The following FSIP2 variants were observed in gnomAD, a reference collection of about 807,000 sequenced individuals.
FSIP2 encodes fibrous sheath-interacting protein 2.
FSIP2 carries 367 observed loss-of-function variants against 510.5 expected under a neutral mutation model. The observed-to-expected ratio is 0.72, with a 90% CI of 0.66 to 0.78. FSIP2 has a LOEUF of 0.78. Ranked by LOEUF, FSIP2 falls within the 30% of genes least tolerant of loss-of-function variation. The pLI, the probability that FSIP2 is intolerant of heterozygous loss-of-function variation, is 0.00. For missense variants in FSIP2, 7,594 were observed against 7,901.7 expected (o/e 0.96, Z 1.48); for synonymous variants, 2,601 against 2,732.2 (o/e 0.95, Z 1.50).
At chr2:185,832,641 T>A (rs1439840624) in intron 22 of FSIP2, among the ~76,000 whole-genome samples, 1 of 151,758 alleles carries the variant, frequency 6.6e-6, no homozygotes, top group Non-Finnish European at 1.5e-5. Context: ...TAAAGCCTCA[T>A]GCTGAATAAG....
At chr2:185,810,161 C>T (rs191424741) in intron 17 of FSIP2, among the ~76,000 whole-genome samples, 2 of 152,138 alleles carry the variant, frequency 1.3e-5, no homozygotes, top group East Asian at 3.9e-4. Context: ...AGTAAACATG[C>T]TAATTAATGC....
intron 17 of FSIP2, among the ~76,000 whole-genome samples, chr2:185,813,020 A>G (rs1693766381): frequency 6.6e-6 from 1 of 152,086 alleles, no homozygotes; most frequent in African/African-American, 2.4e-5. Flanking sequence ...GAAGATTTAT[A>G]TTTTGAAGAA....
chr2:185,795,685 A>G lies in FSIP2; in HGVS notation c.8549A>G (p.Asp2850Gly). ...LFDKWQTESNDKENEKCKLLM... is the reference protein window; with the variant it reads ...LFDKWQTESNGKENEKCKLLM... ...GACAAGTGGCAAACAGAATCAAATG[A>G]CAAGGAAAATGAAAAATGTAAGCTA... The change falls in exon 16 of 23, where the codon GAC (aspartate) becomes GGC (glycine). Residue 2850 changes from aspartate (D) to glycine (G), a missense_variant. Physicochemically the swap from Asp to Gly is moderately conservative, Grantham distance 94 (BLOSUM62 -1). Coordinates refer to ENST00000424728, the MANE Select transcript of FSIP2 (RefSeq NM_173651.4). 6.5e-7 allele frequency: 1 copy of G among 1,532,492 alleles called. No individual in the cohort carries two copies. The highest frequency in any genetic ancestry group is 8.7e-7 in the Non-Finnish European group (1 of 1,144,798). 94.9% of individuals were successfully genotyped at this position (1,532,492 alleles called of 1,614,324 possible).
rs137864187 is a variant in FSIP2, at chr2:185,805,809, C to G, written c.16503C>G (p.Ser5501Arg). 12 of 1,601,994 alleles carry G rather than the reference C, an allele frequency of 7.5e-6. No individual in the cohort carries two copies. In the East Asian group the frequency reaches 2.7e-4, roughly 36 times the overall value. The change falls in exon 17 of 23, where the codon AGC (serine) becomes AGG (arginine). Residue 5501 changes from serine to arginine, a missense_variant. By Grantham distance (110) the Ser-to-Arg change is moderately radical. Coordinates refer to ENST00000424728, the MANE Select transcript of FSIP2 (RefSeq NM_173651.4). ...VLSSINAIMK[S>R]GMINLTSGLA... ...GCTCTATAAATGCAATTATGAAAAG[C>G]GGCATGATTAACCTAACATCAGGGT...
At chr2:185,765,689 C>T (rs572202268) in intron 13 of FSIP2, 54 of 151,710 alleles carry the variant, frequency 3.6e-4, no homozygotes, top group South Asian at 6.3e-4. Flanking sequence ...AGAAAGTCAT[C>T]GGTAGCTTGA....
At chr2:185,831,922 T>G (rs761308317) in intron 22 of FSIP2, 40 bp downstream of exon 22, 5 of 1,183,288 alleles carry the variant, frequency 4.2e-6, no homozygotes, top group Non-Finnish European at 6.3e-6. Context: ...GTAATTAAAC[T>G]GTCAATTGCA....
chr2:185,819,618 G>A (rs1271159015), intron 19 of FSIP2, among the ~76,000 whole-genome samples: 1 of 134,230 alleles, frequency 7.4e-6, no homozygotes, highest in African/African-American at 2.6e-5. Context: ...ATGGTCTGCA[G>A]CTTAATGAAA....
chr2:185,790,334 G>C lies in FSIP2; in HGVS notation c.3198G>C (p.Trp1066Cys). 1 of 1,533,444 alleles carries C rather than the reference G, an allele frequency of 6.5e-7. No homozygotes were observed. Among genetic ancestry groups the C allele is most frequent in the Non-Finnish European group, 8.7e-7 (1 of 1,145,366 alleles). 95.0% of individuals were successfully genotyped at this position (1,533,444 alleles called of 1,614,324 possible). A position where few individuals can be genotyped will look rare whatever the true frequency, so the allele number is the denominator to read the frequency against. Residue 1066 changes from tryptophan (W) to cysteine (C), a missense_variant, in exon 16 of 23, where the codon TGG (tryptophan) becomes TGC (cysteine). Transcript: ENST00000424728. Reference protein sequence around the residue: ...GSRSKAAFHDWELKTEPPSTN... With the variant: ...GSRSKAAFHDCELKTEPPSTN... ...GAAGCAAAGCTGCATTTCATGATTG[G>C]GAATTAAAGACTGAGCCACCATCTA... is the stretch of plus-strand genomic sequence containing the variant.
In FSIP2 at chr2:185,764,537, C is replaced by A; in HGVS notation, c.1383C>A (p.Thr461=). The change falls in exon 13 of 23, where the codon ACC becomes ACA. Residue 461 remains threonine, a synonymous_variant. Coordinates refer to ENST00000424728, the MANE Select transcript of FSIP2 (RefSeq NM_173651.4). ...ATGCTGATTGGGATGGAAGACCAAC[C>A]AAGAGATCAAGCTATCTCTGCGAAT... ...ETNADWDGRP[T]KRSSYLCESG... The A allele has an allele frequency of 1.3e-6, 2 of 1,530,250 alleles. No homozygotes were observed. The highest frequency in any genetic ancestry group is 1.8e-6 in the Non-Finnish European group (2 of 1,142,726). 94.8% of individuals were successfully genotyped at this position (1,530,250 alleles called of 1,614,324 possible).
In FSIP2 at chr2:185,794,660, T is replaced by G. The variant is rs762233233; in HGVS notation, c.7524T>G (p.Leu2508=). The G allele has an allele frequency of 4.2e-5, 64 of 1,532,992 alleles. No individual in the cohort carries two copies. Among genetic ancestry groups the G allele is most frequent in the Non-Finnish European group, 5.4e-5 (62 of 1,145,434 alleles). The allele number at this position is 1,532,992 out of a possible 1,614,324, so 95.0% of individuals were successfully genotyped here. The change falls in exon 16 of 23, where the codon CTT becomes CTG. Residue 2508 remains leucine, a synonymous_variant. Coordinates refer to ENST00000424728, the MANE Select transcript of FSIP2 (RefSeq NM_173651.4). ...VREVTGHLPP[L]NETANFISNS... Reference sequence around the variant, plus strand: ...AAGTCACAGGCCATTTGCCTCCACTTAATGAAACTGCCAACTTTATATCTA... The same window carrying G: ...AAGTCACAGGCCATTTGCCTCCACTGAATGAAACTGCCAACTTTATATCTA...
At position 185,808,046 on chromosome 2, in the gene FSIP2, C is replaced by T. The variant is rs1693628408; in HGVS notation, c.18740C>T (p.Ala6247Val). Residue 6247 changes from alanine to valine, a missense_variant, in exon 17 of 23, where the codon GCA becomes GTA. By Grantham distance (64) the Ala-to-Val change is moderately conservative. Transcript: ENST00000424728. ...CCTACTGTGCCTGTAGCTGATAATG[C>T]AACTATTGAAAACATAGTTAATTCT... ...ESPTVPVADNATIENIVNSIY... is the reference protein window; with the variant it reads ...ESPTVPVADNVTIENIVNSIY... 1 of 1,610,750 alleles carries T rather than the reference C, an allele frequency of 6.2e-7. No homozygotes were observed. Among genetic ancestry groups the T allele is most frequent in the Non-Finnish European group, 8.5e-7 (1 of 1,178,572 alleles).
Position 185,789,997 on chromosome 2 carries a change from T to G in FSIP2, c.2861T>G (p.Phe954Cys). ...CATCAGGAACCAGTAAATGAAAGTT[T>G]TCAAAAAAGTAGGCAACCTAGAATA... is the stretch of plus-strand genomic sequence containing the variant. ...QLHQEPVNES[F>C]QKSRQPRISS... is the part of the protein sequence containing the mutation. The change falls in exon 16 of 23, where the codon TTT (phenylalanine) becomes TGT (cysteine). Residue 954 changes from phenylalanine (F) to cysteine (C), a missense_variant. Phe to Cys is a radical substitution (Grantham distance 205). Coordinates refer to ENST00000424728, the MANE Select transcript of FSIP2 (RefSeq NM_173651.4). The G allele has an allele frequency of 6.5e-7, 1 of 1,533,992 alleles. No homozygotes were observed.
chr2:185,804,910 T>C lies in FSIP2; in HGVS notation c.15604T>C (p.Ser5202Pro). ...DSICNNILKT[S>P]EFQAEVQKDA... ...CATATGTAATAATATTTTGAAAACA[T>C]CTGAATTCCAAGCTGAAGTACAAAA... The change falls in exon 17 of 23, where the codon TCT becomes CCT. Residue 5202 changes from serine to proline, a missense_variant. By Grantham distance (74) the Ser-to-Pro change is moderately conservative. Coordinates refer to ENST00000424728, the MANE Select transcript of FSIP2 (RefSeq NM_173651.4). 4 of 1,525,368 alleles carry C rather than the reference T, an allele frequency of 2.6e-6. No homozygotes were observed. The highest frequency in any genetic ancestry group is 3.5e-6 in the Non-Finnish European group (4 of 1,142,774). 94.5% of individuals were successfully genotyped at this position (1,525,368 alleles called of 1,614,324 possible).
rs1402493128 is a variant in FSIP2 at position 185,794,067 on chromosome 2, G to A, written c.6931G>A (p.Val2311Ile). ...DSSQVESDVNVLKISATETIL... is the reference protein window; with the variant it reads ...DSSQVESDVNILKISATETIL... Reference sequence around the variant, plus strand: ...AAGCCAAGTGGAATCAGATGTAAATGTCCTGAAAATATCAGCAACTGAAAC... The same window carrying A: ...AAGCCAAGTGGAATCAGATGTAAATATCCTGAAAATATCAGCAACTGAAAC... The change falls in exon 16 of 23, where the codon GTC becomes ATC. Residue 2311 changes from valine (V) to isoleucine (I), a missense_variant. Coordinates refer to ENST00000424728, the MANE Select transcript of FSIP2 (RefSeq NM_173651.4). The A allele has an allele frequency of 6.5e-7, 1 of 1,531,876 alleles. No homozygotes were observed. Among genetic ancestry groups the A allele is most frequent in the Admixed American group, 2.0e-5 (1 of 50,714 alleles). 94.9% of individuals were successfully genotyped at this position (1,531,876 alleles called of 1,614,324 possible).
Position 185,753,740 on chromosome 2 carries a change from A to G in FSIP2, c.889A>G (p.Lys297Glu). Residue 297 changes from lysine to glutamate, a missense_variant, in exon 8 of 23, where the codon AAA becomes GAA. Transcript: ENST00000424728. The part of the protein sequence containing the change: ...SDRKKQDLLE[K>E]KMAYHLQKMQ... ...ATTGTAGAAACAAGATCTTCTAGAG[A>G]AAAAAATGGCTTATCATTTACAAAA... 8.0e-7 allele frequency: 1 copy of G among 1,251,988 alleles called. No homozygotes were observed. Among genetic ancestry groups the G allele is most frequent in the Non-Finnish European group, 1.1e-6 (1 of 909,540 alleles). The allele number at this position is 1,251,988 out of a possible 1,614,324, so 77.6% of individuals were successfully genotyped here.
At chr2:185,755,754 G>C (rs751495949) in intron 8 of FSIP2, among the ~76,000 whole-genome samples, 8 of 151,574 alleles carry the variant, frequency 5.3e-5, no homozygotes, top group African/African-American at 9.7e-5. Context: ...CACCTTAATA[G>C]TTAGAAAAGC....
In FSIP2 at chr2:185,786,875, A is replaced by G. The variant is rs1441855030; in HGVS notation, c.1506+587A>G. Among the ~76,000 whole-genome samples, 3 of 152,032 alleles carry G rather than the reference A, an allele frequency of 2.0e-5. No individual in the cohort carries two copies. The East Asian group carries it at 5.8e-4, about 29-fold the overall frequency. ...AACTTGCTCAATTCATAGAATATGCAGCAAATACAAAAGCTTTGACCCAAG... is the reference window on the plus strand; with the variant it reads ...AACTTGCTCAATTCATAGAATATGCGGCAAATACAAAAGCTTTGACCCAAG... On this transcript the variant is annotated intron_variant, in intron 15 of 22. Coordinates refer to ENST00000424728, the MANE Select transcript of FSIP2 (RefSeq NM_173651.4).
At chr2:185,830,257 T>C (rs760323676) in intron 21 of FSIP2, among the ~76,000 whole-genome samples, 1 of 151,776 alleles carries the variant, frequency 6.6e-6, no homozygotes, top group Non-Finnish European at 1.5e-5. Context: ...ACAAAGACAA[T>C]ATCTACAGCT....
chr2:185,779,907 T>C (rs1692805756), intron 13 of FSIP2, among the ~76,000 whole-genome samples: 1 of 151,642 alleles, frequency 6.6e-6, no homozygotes, highest in African/African-American at 2.4e-5. Context: ...TCCAAGGGTA[T>C]GAGTAAGTTT....
Sources: allele counts gnomAD v4.1 joint callset (sites outside exome capture counted in the v4.1 genomes callset), GRCh38; gene constraint gnomAD v4.1.1; transcripts MANE v1.5; gene names NCBI Gene and HGNC (gene_info 2026-07-23, HGNC 2026-07-21).